The following ANKRD24 variants were observed in gnomAD, a reference collection of about 807,000 sequenced individuals.
ANKRD24 encodes ankyrin repeat domain-containing protein 24.
ANKRD24 carries 109 observed loss-of-function variants against 127.8 expected under a neutral mutation model. The ratio of observed to expected loss-of-function variants is 0.85; its 90% confidence interval spans 0.73 to 1.00. ANKRD24 has a LOEUF of 1.00. ANKRD24 is among the 50% of genes least tolerant of loss of function. The probability of loss-of-function intolerance (pLI) is 0.00; values close to 1 mark genes in which losing one functional copy is unlikely to be tolerated. For synonymous variants in ANKRD24, 743 were observed against 671.1 expected, an observed-to-expected ratio of 1.11 and a Z score of -1.66; for missense variants, 1,648 against 1,570.2, an observed-to-expected ratio of 1.05 and a Z score of -0.84.
chr19:4,224,228 G>A (rs1970617186), intron 21 of ANKRD24, 36 bp downstream of exon 21: 1 of 1,580,936 alleles, frequency 6.3e-7, no homozygotes, highest in Non-Finnish European at 8.6e-7. Flanking sequence ...CGGTGGCTTT[G>A]GGCATACCAC....
In ANKRD24 at chr19:4,217,857, G is replaced by A. The variant is rs1240233113; in HGVS notation, c.2697G>A (p.Leu899=). 1.4e-6 allele frequency: 2 copies of A among 1,453,472 alleles called. No individual in the cohort carries two copies. Among genetic ancestry groups the A allele is most frequent in the South Asian group, 1.3e-5 (1 of 75,658 alleles). 90.0% of individuals were successfully genotyped at this position (1,453,472 alleles called of 1,614,324 possible). A position where few individuals can be genotyped will look rare whatever the true frequency, so the allele number is the denominator to read the frequency against. Reference sequence around the variant, plus strand: ...CCTGCGAGGAGGCGCGGCAGGGCCTGGCCGAGCTGCGGGAGGCCTCCGAGG... The same window carrying A: ...CCTGCGAGGAGGCGCGGCAGGGCCTAGCCGAGCTGCGGGAGGCCTCCGAGG... ...PAACEEARQG[L]AELREASEAL... Residue 899 remains leucine (L), a synonymous_variant, in exon 18 of 22, where the codon CTG becomes CTA. Transcript: ENST00000318934.
At chr19:4,218,244 T>G in intron 18 of ANKRD24, 81 bp downstream of exon 18, 1 of 1,266,726 alleles carries the variant, frequency 7.9e-7, no homozygotes, top group Non-Finnish European at 1.0e-6. Context: ...CCTTGAGGTG[T>G]TTTGAACCCA....
intron 13 of ANKRD24, among the ~76,000 whole-genome samples, chr19:4,212,086 G>C (rs756528176): frequency 6.6e-6 from 1 of 152,170 alleles, no homozygotes; most frequent in East Asian, 1.9e-4. Flanking sequence ...TGTAGTCCCA[G>C]CTACTTAGGA....
chr19:4,184,946 TGGTGGGTGGGTGGATGGATGCACTGGTG>T (rs377533300), intron 1 of ANKRD24, among the ~76,000 whole-genome samples: 8,045 of 91,268 alleles, frequency 0.088, 556 homozygotes, highest in East Asian at 0.26. Context: ...ATGGATGGAC[TGGTGGGTGGGTGGATGGATGCACTGGTG>T]GGTGGGTGGG....
chr19:4,206,211 G>A (rs1296378567), intron 7 of ANKRD24, among the ~76,000 whole-genome samples: 4 of 145,492 alleles, frequency 2.7e-5, no homozygotes, highest in Non-Finnish European at 4.6e-5. Context: ...ACACATAAAC[G>A]GGGCCGGGCA....
At position 4,183,364 on chromosome 19, in the gene ANKRD24, G is replaced by A. The variant is rs545823073; in HGVS notation, c.-37+624G>A. The A allele has an allele frequency of 7.1e-6, 7 of 985,620 alleles. No homozygotes were observed. In the African/African-American group the frequency reaches 8.7e-5, roughly 12 times the overall value. The allele number at this position is 985,620 out of a possible 1,614,324, so 61.1% of individuals were successfully genotyped here. On this transcript the variant is annotated intron_variant, in intron 1 of 21. Transcript: ENST00000318934. ...AGGTCAATGGGGCTGGTGGCCTGGAGGACTCATTTAAGAATCATGTGTTGA... is the reference window on the plus strand; with the variant it reads ...AGGTCAATGGGGCTGGTGGCCTGGAAGACTCATTTAAGAATCATGTGTTGA...
At position 4,216,976 on chromosome 19, in the gene ANKRD24, G is replaced by A. The variant is rs770340175; in HGVS notation, c.1816G>A (p.Val606Ile). The A allele has an allele frequency of 1.2e-6, 2 of 1,613,018 alleles. No homozygotes were observed. The highest frequency in any genetic ancestry group is 1.3e-5 in the African/African-American group (1 of 74,880). The change falls in exon 18 of 22, where the codon GTC becomes ATC. Residue 606 changes from valine to isoleucine, a missense_variant. Physicochemically the swap from Val to Ile is conservative, Grantham distance 29. Transcript: ENST00000318934. ...VTETKPTGAEVREMETTEEEA... is the reference protein window; with the variant it reads ...VTETKPTGAEIREMETTEEEA... ...AGAAACAAAACCCACAGGGGCTGAG[G>A]TCAGAGAAATGGAGACCACAGAAGA...
chr19:4,218,393 C>G (rs927955989), intron 18 of ANKRD24, among the ~76,000 whole-genome samples: 2 of 151,480 alleles, frequency 1.3e-5, no homozygotes, highest in Non-Finnish European at 2.9e-5. Flanking sequence ...TCCTCTTTCC[C>G]GGTTCAAGTG....
At chr19:4,209,005 G>C in intron 11 of ANKRD24, 1 of 439,644 alleles carries the variant, frequency 2.3e-6, no homozygotes, top group Non-Finnish European at 4.1e-6. Context: ...ACTGGATGGG[G>C]CCAAATTATG....
chr19:4,196,421 G>A (rs1027385300), intron 2 of ANKRD24, among the ~76,000 whole-genome samples: 2 of 152,052 alleles, frequency 1.3e-5, no homozygotes, highest in Non-Finnish European at 2.9e-5. Flanking sequence ...TGTCACCCAG[G>A]CTGGAGTGCA....
In ANKRD24 at chr19:4,184,354, T is replaced by G. The variant is rs187635553; in HGVS notation, c.-37+1614T>G. ...AGAGGCCCAGGACGGAGGATCCCCT[T>G]ATGGCCCCAGGCCCCTGAGCCCTTG... On this transcript the variant is annotated intron_variant, in intron 1 of 21. Transcript: ENST00000318934. Among the ~76,000 whole-genome samples the G allele has an allele frequency of 4.6e-3, 697 of 152,238 alleles. 6 individuals carry two copies. The highest frequency in any genetic ancestry group is 0.016 in the African/African-American group (665 of 41,524).
rs1185006819 is a variant in ANKRD24, at chr19:4,216,725, AG to A, written c.1570del (p.Ala524GlnfsTer23). 6.3e-6 allele frequency: 10 copies of A among 1,577,630 alleles called. No individual in the cohort carries two copies. Among genetic ancestry groups the A allele is most frequent in the Non-Finnish European group, 7.7e-6 (9 of 1,162,298 alleles). On this transcript the variant is annotated frameshift_variant, in exon 18 of 22. Coordinates refer to ENST00000318934, the MANE Select transcript of ANKRD24 (RefSeq NM_001393985.1). LOFTEE classifies it high-confidence loss of function. ...QQETREVPRE[E>X]GAACGESEVA... The stretch of plus-strand genomic sequence containing the variant: ...GAGACACGAGAGGTCCCCAGAGAAG[AG>A]GGGGCAGCCTGTGGGGAGAGTGAGG...
At chr19:4,209,930 G>A in intron 11 of ANKRD24, 128 bp from the exon 12 acceptor site, 2 of 538,552 alleles carry the variant, frequency 3.7e-6, no homozygotes, top group African/African-American at 3.5e-5. Flanking sequence ...GCAGGAGGCA[G>A]GGGCTGCTGG....
rs1315104617 is a variant in ANKRD24, at chr19:4,199,831, C to T, written c.124-44C>T. The T allele has an allele frequency of 1.3e-6, 2 of 1,539,652 alleles. No homozygotes were observed. Among genetic ancestry groups the T allele is most frequent in the South Asian group, 1.2e-5 (1 of 83,708 alleles). ...CCCTGTCGGGGGCGTGGGGAGGGGA[C>T]AGCAGCCAACACTGCCCCACGCACT... On this transcript the variant is annotated intron_variant, in intron 3 of 21. Coordinates refer to ENST00000318934, the MANE Select transcript of ANKRD24 (RefSeq NM_001393985.1). This position sits in a 1 kb window ranked among gnomAD's most constrained non-coding sequence, Gnocchi z 5.2.
chr19:4,207,054 GACAC>G (rs1009209524), intron 7 of ANKRD24, 184 bp from the exon 8 acceptor site: 3 of 599,098 alleles, frequency 5.0e-6, no homozygotes, highest in Non-Finnish European at 8.8e-6. Flanking sequence ...TGGGGCCACA[GACAC>G]ACACCACCAC....
rs1481744455 is a variant in ANKRD24, at chr19:4,199,916, C to T, written c.165C>T (p.Ala55=). 13 of 1,571,548 alleles carry T rather than the reference C, an allele frequency of 8.3e-6. No individual in the cohort carries two copies. The East Asian group carries it at 9.5e-5, about 11-fold the overall frequency. ...WGKSDERLLQ[A]VENNDAPRVA... The stretch of plus-strand genomic sequence containing the variant: ...AGAGTGACGAGAGGCTGCTACAAGC[C>T]GTGGAAAACAACGATGCACCTCGGG... The change falls in exon 4 of 22, where the codon GCC becomes GCT. Residue 55 remains alanine, a synonymous_variant. Transcript: ENST00000318934. The surrounding 1 kb of genome is among the most constrained non-coding windows in gnomAD (Gnocchi z 5.2).
chr19:4,183,360 T>C (rs2145194999), intron 1 of ANKRD24: 3 of 985,886 alleles, frequency 3.0e-6, no homozygotes, highest in Non-Finnish European at 3.6e-6. Flanking sequence ...GCTGGTGGCC[T>C]GGAGGACTCA....
intron 2 of ANKRD24, among the ~76,000 whole-genome samples, chr19:4,196,621 C>T (rs561202255): frequency 3.3e-4 from 50 of 152,256 alleles, no homozygotes; most frequent in African/African-American, 1.1e-3. Flanking sequence ...GTGATCTGCC[C>T]GCCTCGGCCT....
intron 14 of ANKRD24, 31 bp downstream of exon 14, chr19:4,212,544 TCCTGCTGC>T: frequency 4.5e-6 from 7 of 1,549,778 alleles, no homozygotes; most frequent in Non-Finnish European, 6.1e-6. Context: ...GAGCCGGTCC[TCCTGCTGC>T]CCAGCCTTTC....
Sources: gnomAD v4.1 joint callset for allele counts (sites outside exome capture counted in the v4.1 genomes callset) on GRCh38, gnomAD v4.1.1 for gene constraint, Gnocchi (gnomAD v3.1) non-coding constraint, MANE v1.5 for transcripts, NCBI Gene and HGNC (gene_info 2026-07-23, HGNC 2026-07-21) for gene names.